Variants in PRLR observed in about 807,000 individuals in gnomAD.
The protein encoded by PRLR is prolactin receptor, also known as hPRL receptor.
A neutral mutation model predicts 40.2 loss-of-function variants in PRLR; 13 were observed. The ratio of observed to expected loss-of-function variants is 0.32; its 90% CI spans 0.21 to 0.51. The LOEUF is 0.51. Among genes scored for constraint, PRLR ranks in the 20% least tolerant of loss-of-function variants. The probability of loss-of-function intolerance (pLI) is 0.97; values close to 1 mark genes in which losing one functional copy is unlikely to be tolerated. For synonymous variants in PRLR, 269 were observed against 278.7 expected (o/e 0.97, Z 0.35); for missense variants, 656 against 747.3 (o/e 0.88, Z 1.42).
intron 4 of PRLR, 24 bp downstream of exon 4, chr5:35,086,184 A>G (rs1561283333): frequency 6.2e-7 from 1 of 1,613,102 alleles, no homozygotes; most frequent in Non-Finnish European, 8.5e-7. Flanking sequence ...GTGGGGTTTC[A>G]TAGGAGAGAA....
chr5:35,178,323 T>G (rs936172265), intron 1 of PRLR, among the ~76,000 whole-genome samples: 1 of 152,204 alleles, frequency 6.6e-6, no homozygotes, highest in South Asian at 2.1e-4. Flanking sequence ...ACTTGACTCT[T>G]ATGTGTCATA....
intron 1 of PRLR, among the ~76,000 whole-genome samples, chr5:35,224,830 G>A (rs1776510675): frequency 6.6e-6 from 1 of 152,208 alleles, no homozygotes; most frequent in South Asian, 2.1e-4. Flanking sequence ...ACCAGAATCT[G>A]ACTGCTCTTT....
intron 1 of PRLR, among the ~76,000 whole-genome samples, chr5:35,124,554 C>T (rs1226919558): frequency 6.6e-6 from 1 of 152,168 alleles, no homozygotes; most frequent in Non-Finnish European, 1.5e-5. Flanking sequence ...TAGTAATCTA[C>T]TGGGGAATAT....
intron 1 of PRLR, among the ~76,000 whole-genome samples, chr5:35,178,995 T>A (rs1775219596): frequency 6.6e-6 from 1 of 152,192 alleles, no homozygotes; most frequent in Non-Finnish European, 1.5e-5. Context: ...GAGTGACTTT[T>A]TAACCTTCCT....
chr5:35,112,243 G>A (rs1466012099), intron 2 of PRLR, among the ~76,000 whole-genome samples: 1 of 152,102 alleles, frequency 6.6e-6, no homozygotes, highest in Non-Finnish European at 1.5e-5. Context: ...AGGGTTATTT[G>A]AAATACCTAA....
intron 5 of PRLR, among the ~76,000 whole-genome samples, chr5:35,083,524 C>CTTTT (rs59813376): frequency 0.01 from 1,390 of 136,408 alleles, 30 homozygotes; most frequent in African/African-American, 0.036. Context: ...CTTTTCTTTT[C>CTTTT]TTTTTTTTTT....
At chr5:35,138,557 G>T (rs1773924941) in intron 1 of PRLR, among the ~76,000 whole-genome samples, 2 of 152,178 alleles carry the variant, frequency 1.3e-5, no homozygotes. Context: ...CATGTGAAAG[G>T]CACAAGCCAG....
At chr5:35,097,787 C>A (rs1579638664) in intron 2 of PRLR, among the ~76,000 whole-genome samples, 1 of 152,096 alleles carries the variant, frequency 6.6e-6, no homozygotes, top group South Asian at 2.1e-4. Context: ...TGCCTGGGCA[C>A]CACTGCCTAC....
intron 1 of PRLR, among the ~76,000 whole-genome samples, chr5:35,164,060 A>T (rs970508017): frequency 6.6e-6 from 1 of 152,204 alleles, no homozygotes; most frequent in Non-Finnish European, 1.5e-5. Context: ...GAACTAAATA[A>T]GTTTTTAGCT....
chr5:35,152,491 A>G (rs2111868700), intron 1 of PRLR, among the ~76,000 whole-genome samples: 1 of 152,266 alleles, frequency 6.6e-6, no homozygotes, highest in African/African-American at 2.4e-5. Flanking sequence ...AAAAAATTTT[A>G]GCATAGGAGA....
chr5:35,088,626 G>A (rs1771005425), intron 3 of PRLR, among the ~76,000 whole-genome samples: 1 of 152,092 alleles, frequency 6.6e-6, no homozygotes, highest in Admixed American at 6.5e-5. Context: ...TTAGACAAAT[G>A]TTTCCTTCAT....
Position 35,059,275 on chromosome 5 carries a change from T to C in PRLR, c.*5814A>G, listed in dbSNP as rs1382964142. 1.3e-5 allele frequency: 2 copies of C among 152,196 alleles called. No individual in the cohort carries two copies. Among genetic ancestry groups the C allele is most frequent in the African/African-American group, 4.8e-5 (2 of 41,460 alleles). The allele number at this position is 152,196 out of a possible 1,614,324, so 9.4% of individuals were successfully genotyped here. A position where few individuals can be genotyped will look rare whatever the true frequency, so the allele number is the denominator to read the frequency against. Reference sequence around the variant, plus strand: ...AGAGTTAATTAATAGACTAAGATTATCTGTGGTCTATTTATTGACCACACC... The same window carrying C: ...AGAGTTAATTAATAGACTAAGATTACCTGTGGTCTATTTATTGACCACACC... On this transcript the variant is annotated 3_prime_UTR_variant, in exon 10 of 10. Coordinates refer to ENST00000618457, the MANE Select transcript of PRLR (RefSeq NM_000949.7).
intron 1 of PRLR, among the ~76,000 whole-genome samples, chr5:35,212,089 G>A (rs1209011736): frequency 2.0e-5 from 3 of 152,118 alleles, no homozygotes; most frequent in African/African-American, 7.2e-5. Context: ...GAACACATTA[G>A]GAACATCCTT....
In PRLR at chr5:35,065,066, CA is replaced by C; in HGVS notation, c.*22del. On this transcript the variant is annotated 3_prime_UTR_variant, in exon 10 of 10. Transcript: ENST00000618457. ...ACCTGAAGAAAAATCACATTTTAAC[CA>C]ATCATTCCATTAGTCAAGCTATCAG... The C allele has an allele frequency of 6.3e-7, 1 of 1,590,456 alleles. No homozygotes were observed. Among genetic ancestry groups the C allele is most frequent in the Non-Finnish European group, 8.6e-7 (1 of 1,166,730 alleles).
At chr5:35,119,757 T>C (rs1008959160) in intron 1 of PRLR, among the ~76,000 whole-genome samples, 1 of 152,144 alleles carries the variant, frequency 6.6e-6, no homozygotes, top group Non-Finnish European at 1.5e-5. Flanking sequence ...ATCTCCAAAA[T>C]AAGATCCAGA....
rs184306120 is a variant in PRLR at position 35,079,171 on chromosome 5, C to T, written c.373+5299G>A. The stretch of plus-strand genomic sequence containing the variant: ...ACAAGACAGGGATGCCATCTCTCAC[C>T]GCTCCTATTCAACATAGTGTTGGAA... On this transcript the variant is annotated intron_variant, in intron 5 of 9. Coordinates refer to ENST00000618457, the MANE Select transcript of PRLR (RefSeq NM_000949.7). Among the ~76,000 whole-genome samples, 1,498 of 152,284 alleles carry T rather than the reference C, an allele frequency of 9.8e-3. 16 individuals are homozygous for T. The highest frequency in any genetic ancestry group is 0.058 in the Middle Eastern group (17 of 294).
chr5:35,159,296 C>T (rs1363187705), intron 1 of PRLR, among the ~76,000 whole-genome samples: 2 of 146,074 alleles, frequency 1.4e-5, no homozygotes, highest in Non-Finnish European at 3.0e-5. Flanking sequence ...CCTTTTCCTT[C>T]TAAGGGTACT....
At chr5:35,096,146 T>C (rs1290891142) in intron 2 of PRLR, among the ~76,000 whole-genome samples, 1 of 152,216 alleles carries the variant, frequency 6.6e-6, no homozygotes, top group East Asian at 1.9e-4. Context: ...ATCTCCTGGC[T>C]TCTAACCTAG....
chr5:35,145,036 C>T (rs1466254873), intron 1 of PRLR, among the ~76,000 whole-genome samples: 3 of 152,164 alleles, frequency 2.0e-5, no homozygotes, highest in Non-Finnish European at 4.4e-5. Flanking sequence ...GAATGGTGCT[C>T]ATCTCCTTTG....
Sources: gnomAD v4.1 joint callset for allele counts (sites outside exome capture counted in the v4.1 genomes callset) on GRCh38, gnomAD v4.1.1 for gene constraint, MANE v1.5 for transcripts, NCBI Gene and HGNC (gene_info 2026-07-23, HGNC 2026-07-21) for gene names.